PTPRD: variants seen among roughly 807,000 people sequenced by gnomAD.
The protein encoded by PTPRD is protein tyrosine phosphatase receptor type D.
In PTPRD, 34 loss-of-function variants were observed where a neutral mutation model predicts 214.5. The ratio of observed to expected loss-of-function variants is 0.16; its 90% confidence interval spans 0.12 to 0.21. PTPRD has a LOEUF of 0.21. Ranked by LOEUF, PTPRD falls within the 10% of genes least tolerant of loss-of-function variation. The pLI is 1.00. For missense variants in PTPRD, 2,545 were observed against 2,398.7 expected (o/e 1.06, Z -1.27); for synonymous variants, 1,128 against 845.7 (o/e 1.33, Z -5.79).
intron 2 of PTPRD, among the ~76,000 whole-genome samples, chr9:10,411,946 T>C (rs2098439969): frequency 1.3e-5 from 2 of 151,844 alleles, no homozygotes; most frequent in African/African-American, 2.4e-5. Flanking sequence ...GAAAAGTACT[T>C]AAATTGTTCT....
chr9:9,275,137 A>ATATATAT (rs71319210), intron 9 of PTPRD, among the ~76,000 whole-genome samples: 4,864 of 50,224 alleles, frequency 0.097, 260 homozygotes, highest in Non-Finnish European at 0.13. Context: ...ATTATATATA[A>ATATATAT]TATATATATA....
chr9:9,362,088 T>C (rs1300102428), intron 9 of PTPRD, among the ~76,000 whole-genome samples: 3 of 151,136 alleles, frequency 2.0e-5, no homozygotes, highest in African/African-American at 7.3e-5. Context: ...GAATTAAACT[T>C]CTATAATATT....
At chr9:10,396,607 C>G (rs183723170) in intron 2 of PTPRD, among the ~76,000 whole-genome samples, 60 of 152,128 alleles carry the variant, frequency 3.9e-4, no homozygotes, top group African/African-American at 1.3e-3. Context: ...ATCAATCCAT[C>G]TGGTTAGCTC....
chr9:10,367,973 T>C (rs1488162806), intron 2 of PTPRD, among the ~76,000 whole-genome samples: 1 of 152,156 alleles, frequency 6.6e-6, no homozygotes, highest in East Asian at 1.9e-4. Flanking sequence ...CAGCCATTAC[T>C]GTTATTATTA....
At chr9:10,286,587 A>C (rs2095361855) in intron 3 of PTPRD, among the ~76,000 whole-genome samples, 1 of 152,066 alleles carries the variant, frequency 6.6e-6, no homozygotes, top group Non-Finnish European at 1.5e-5. Flanking sequence ...AACTACTATA[A>C]ATGTTTTTTT....
chr9:10,217,404 A>G (rs974806971), intron 3 of PTPRD, among the ~76,000 whole-genome samples: 4 of 151,840 alleles, frequency 2.6e-5, no homozygotes, highest in Admixed American at 1.3e-4. Context: ...AAGCAAGTTA[A>G]TGAGTGGTTT....
chr9:9,602,911 A>G (rs1255702148), intron 7 of PTPRD, among the ~76,000 whole-genome samples: 1 of 152,196 alleles, frequency 6.6e-6, no homozygotes, highest in Non-Finnish European at 1.5e-5. Context: ...AATTTGAATA[A>G]GAAACAACTT....
At chr9:9,987,886 A>G (rs976622791) in intron 4 of PTPRD, among the ~76,000 whole-genome samples, 1 of 152,176 alleles carries the variant, frequency 6.6e-6, no homozygotes, top group Non-Finnish European at 1.5e-5. Flanking sequence ...ACATTTTTGC[A>G]GAAGGAATGT....
At chr9:10,050,775 T>C (rs13295205) in intron 3 of PTPRD, among the ~76,000 whole-genome samples, 1 of 151,934 alleles carries the variant, frequency 6.6e-6, no homozygotes, top group Non-Finnish European at 1.5e-5. Flanking sequence ...TATTTTATCG[T>C]ATCTTTCATT....
At chr9:9,427,359 G>C (rs1408868294) in intron 8 of PTPRD, among the ~76,000 whole-genome samples, 1 of 152,120 alleles carries the variant, frequency 6.6e-6, no homozygotes, top group Non-Finnish European at 1.5e-5. Context: ...GAGAAGTTTA[G>C]AGAAAAAAGA....
At chr9:8,327,154 T>C (rs1416696919) in intron 44 of PTPRD, among the ~76,000 whole-genome samples, 3 of 151,102 alleles carry the variant, frequency 2.0e-5, no homozygotes, top group African/African-American at 7.3e-5. Flanking sequence ...CTGCTTTCTC[T>C]TGTGGGCATT....
chr9:9,884,292 T>G (rs1326023255), intron 5 of PTPRD, among the ~76,000 whole-genome samples: 7 of 152,118 alleles, frequency 4.6e-5, no homozygotes. Context: ...ACCTTTATGT[T>G]GTTCAGAATT....
chr9:8,700,648 T>A (rs766788993), intron 12 of PTPRD: 55 of 152,196 alleles, frequency 3.6e-4, no homozygotes, highest in Admixed American at 3.5e-3. Context: ...AATCTTTTCA[T>A]GGAGAGTAAT....
chr9:8,751,151 G>A (rs2154462474), intron 11 of PTPRD, among the ~76,000 whole-genome samples: 1 of 152,228 alleles, frequency 6.6e-6, no homozygotes, highest in South Asian at 2.1e-4. Flanking sequence ...GCCCTTCTCT[G>A]TTCCTACACA....
intron 14 of PTPRD, among the ~76,000 whole-genome samples, chr9:8,574,392 T>C (rs996808309): frequency 1.3e-5 from 2 of 152,012 alleles, no homozygotes; most frequent in African/African-American, 4.8e-5. Flanking sequence ...CTGAACATTT[T>C]AATTCATGAT....
At chr9:10,569,372 A>G (rs954980041) in intron 2 of PTPRD, among the ~76,000 whole-genome samples, 5 of 152,128 alleles carry the variant, frequency 3.3e-5, no homozygotes, top group African/African-American at 9.7e-5. Context: ...ATTCCCGGTT[A>G]ACATATCTAT....
chr9:10,059,496 T>G (rs574406367), intron 3 of PTPRD, among the ~76,000 whole-genome samples: 1 of 152,258 alleles, frequency 6.6e-6, no homozygotes, highest in African/African-American at 2.4e-5. Context: ...GTTTACTTCT[T>G]GCCAGCATAC....
chr9:10,337,854 T>C (rs1414022880), intron 3 of PTPRD, among the ~76,000 whole-genome samples: 17 of 151,730 alleles, frequency 1.1e-4, no homozygotes, highest in Admixed American at 1.1e-3. Flanking sequence ...CGTATAACAT[T>C]TTTTTCAGAA....
intron 7 of PTPRD, among the ~76,000 whole-genome samples, chr9:9,603,910 G>A (rs1258098997): frequency 1.3e-5 from 2 of 151,886 alleles, no homozygotes; most frequent in Non-Finnish European, 2.9e-5. Context: ...GGTCAACTGT[G>A]TGTCACTTTT....
Sources: allele counts gnomAD v4.1 joint callset (sites outside exome capture counted in the v4.1 genomes callset), GRCh38; gene constraint gnomAD v4.1.1; transcripts MANE v1.5; gene names NCBI Gene and HGNC (gene_info 2026-07-23, HGNC 2026-07-21).